Variants in RORB observed in about 807,000 individuals in gnomAD.
RORB encodes RAR related orphan receptor B.
Under a neutral mutation model 59.1 loss-of-function variants are expected in RORB, and 6 were observed. That is an observed-to-expected ratio of 0.10 (90% CI 0.06 to 0.20). The LOEUF (loss-of-function observed/expected upper bound fraction) is 0.20, where lower values mean the gene tolerates loss of function less well. Ranked by LOEUF, RORB falls within the 10% of genes least tolerant of loss-of-function variation. The probability of loss-of-function intolerance (pLI) is 1.00; values close to 1 mark genes in which losing one functional copy is unlikely to be tolerated. For missense variants in RORB, 320 were observed against 560.5 expected (o/e 0.57, Z 4.33); for synonymous variants, 215 against 204.5 (o/e 1.05, Z -0.44).
intron 1 of RORB, among the ~76,000 whole-genome samples, chr9:74,507,664 G>C (rs1238362144): frequency 1.3e-5 from 2 of 152,008 alleles, no homozygotes; most frequent in African/African-American, 2.4e-5. Context: ...AACTAAACAA[G>C]AACACACAAG....
At chr9:74,586,574 A>T (rs1822802394) in intron 1 of RORB, among the ~76,000 whole-genome samples, 1 of 150,334 alleles carries the variant, frequency 6.7e-6, no homozygotes, top group Non-Finnish European at 1.5e-5. Context: ...ATAAAATCGT[A>T]TGCAAATGAG....
intron 1 of RORB, among the ~76,000 whole-genome samples, chr9:74,518,340 T>G (rs1340347764): frequency 6.6e-6 from 1 of 151,952 alleles, no homozygotes; most frequent in African/African-American, 2.4e-5. Flanking sequence ...AATGGGCATT[T>G]AAAAAATTGC....
At chr9:74,607,813 T>C (rs1008298146) in intron 1 of RORB, among the ~76,000 whole-genome samples, 1 of 152,146 alleles carries the variant, frequency 6.6e-6, no homozygotes, top group East Asian at 1.9e-4. Flanking sequence ...AATTAAGTAA[T>C]GACAAACTAA....
chr9:74,565,650 T>C (rs1037875516), intron 1 of RORB, among the ~76,000 whole-genome samples: 1 of 152,216 alleles, frequency 6.6e-6, no homozygotes, highest in Non-Finnish European at 1.5e-5. Flanking sequence ...AAGTGAAATG[T>C]AAAAACTTGT....
chr9:74,630,385 A>G lies in RORB; in HGVS notation c.93+18A>G. The G allele has an allele frequency of 6.3e-7, 1 of 1,599,600 alleles. No homozygotes were observed. On this transcript the variant is annotated intron_variant, in intron 2 of 9. Transcript: ENST00000376896. ...GCTGCAAGGTATGGGACTTTCATAC[A>G]GCACGGTTCTGTATTTGCCTCAGGC...
chr9:74,507,899 A>G (rs1178467055), intron 1 of RORB, among the ~76,000 whole-genome samples: 1 of 152,044 alleles, frequency 6.6e-6, no homozygotes, highest in African/African-American at 2.4e-5. Flanking sequence ...GTCTGGTAGA[A>G]TAGAGGAACA....
chr9:74,646,262 A>T (rs1823896731), intron 4 of RORB, among the ~76,000 whole-genome samples: 1 of 152,170 alleles, frequency 6.6e-6, no homozygotes, highest in African/African-American at 2.4e-5. Flanking sequence ...TTAAAAGCAG[A>T]TCGCTTTTAA....
intron 2 of RORB, among the ~76,000 whole-genome samples, chr9:74,634,103 A>G (rs1823663606): frequency 6.7e-6 from 1 of 149,056 alleles, no homozygotes; most frequent in Admixed American, 6.7e-5. Flanking sequence ...GACACTTTTC[A>G]GCTGCATTCG....
intron 1 of RORB, among the ~76,000 whole-genome samples, chr9:74,575,382 C>T (rs952907268): frequency 3.3e-5 from 5 of 151,968 alleles, no homozygotes; most frequent in Non-Finnish European, 4.4e-5. Context: ...TCACCCAAGT[C>T]GATTGTTTAT....
intron 1 of RORB, among the ~76,000 whole-genome samples, chr9:74,501,579 T>C (rs1402430425): frequency 1.3e-5 from 2 of 152,228 alleles, no homozygotes; most frequent in Non-Finnish European, 2.9e-5. Context: ...AGAAATGTAA[T>C]TATTCAAACA....
intron 1 of RORB, among the ~76,000 whole-genome samples, chr9:74,555,001 C>T (rs576865904): frequency 2.6e-4 from 40 of 152,240 alleles, no homozygotes; most frequent in African/African-American, 6.0e-4. Flanking sequence ...GAAACGTGGG[C>T]GCAGAAGCAA....
chr9:74,655,774 T>C (rs548810314), intron 4 of RORB, among the ~76,000 whole-genome samples: 2 of 152,206 alleles, frequency 1.3e-5, no homozygotes, highest in Non-Finnish European at 2.9e-5. Flanking sequence ...ATCTTTCTAA[T>C]TGACAGAATG....
chr9:74,643,324 A>C (rs1300701230), intron 4 of RORB, among the ~76,000 whole-genome samples: 1 of 152,240 alleles, frequency 6.6e-6, no homozygotes, highest in Non-Finnish European at 1.5e-5. Context: ...AGGCTCTTGG[A>C]AATCTGAATT....
At chr9:74,539,522 G>T (rs572159099) in intron 1 of RORB, among the ~76,000 whole-genome samples, 2 of 152,248 alleles carry the variant, frequency 1.3e-5, no homozygotes, top group African/African-American at 4.8e-5. Context: ...TTTATGGAAA[G>T]CAGGCCACAT....
intron 1 of RORB, among the ~76,000 whole-genome samples, chr9:74,559,130 GC>G (rs1822356249): frequency 6.6e-6 from 1 of 152,172 alleles, no homozygotes; most frequent in African/African-American, 2.4e-5. Flanking sequence ...ACCACCATGG[GC>G]CCAGGGCAAG....
chr9:74,613,899 G>A (rs4265248), intron 1 of RORB, among the ~76,000 whole-genome samples: 69,469 of 152,006 alleles, frequency 0.46, 16,350 homozygotes, highest in East Asian at 0.76. Flanking sequence ...TGCTTTAAAG[G>A]TCATGATTTT....
chr9:74,604,851 T>C (rs1217811427), intron 1 of RORB, among the ~76,000 whole-genome samples: 1 of 152,222 alleles, frequency 6.6e-6, no homozygotes, highest in Non-Finnish European at 1.5e-5. Flanking sequence ...CAATTTTCAT[T>C]TACCACTTAA....
At chr9:74,504,473 C>T (rs960549810) in intron 1 of RORB, among the ~76,000 whole-genome samples, 1 of 152,018 alleles carries the variant, frequency 6.6e-6, no homozygotes, top group African/African-American at 2.4e-5. Flanking sequence ...TAAAATCTTA[C>T]TCAAAAATAT....
At chr9:74,562,250 A>G (rs1332615067) in intron 1 of RORB, among the ~76,000 whole-genome samples, 2 of 152,204 alleles carry the variant, frequency 1.3e-5, no homozygotes, top group African/African-American at 4.8e-5. Context: ...GTAACTCCGT[A>G]TCTAACCTAT....
Sources: allele counts gnomAD v4.1 joint callset (sites outside exome capture counted in the v4.1 genomes callset), GRCh38; gene constraint gnomAD v4.1.1; transcripts MANE v1.5; gene names NCBI Gene and HGNC (gene_info 2026-07-23, HGNC 2026-07-21).